FRMD3: variants seen among roughly 807,000 people sequenced by gnomAD.
The protein encoded by FRMD3 is FERM domain-containing protein 3.
FRMD3 carries 33 observed loss-of-function variants against 70.2 expected under a neutral mutation model. The observed-to-expected ratio is 0.47, with a 90% CI of 0.36 to 0.63. FRMD3 has a LOEUF of 0.63. Ranked by LOEUF, FRMD3 falls within the 20% of genes least tolerant of loss-of-function variation. The pLI, the probability that FRMD3 is intolerant of heterozygous loss-of-function variation, is 0.00. For synonymous variants in FRMD3, 279 were observed against 255.9 expected (o/e 1.09, Z -0.86); for missense variants, 632 against 711.4 (o/e 0.89, Z 1.27).
At chr9:83,486,075 C>T (rs2131487479) in intron 1 of FRMD3, among the ~76,000 whole-genome samples, 2 of 151,876 alleles carry the variant, frequency 1.3e-5, no homozygotes, top group East Asian at 3.9e-4. Context: ...TATTAATGAA[C>T]AATCCTGCAG....
intron 1 of FRMD3, among the ~76,000 whole-genome samples, chr9:83,505,093 G>A (rs905937346): frequency 2.0e-5 from 3 of 152,142 alleles, no homozygotes; most frequent in Non-Finnish European, 4.4e-5. Context: ...CCTGTCATGA[G>A]ATTTTCTTCC....
intron 1 of FRMD3, among the ~76,000 whole-genome samples, chr9:83,476,969 A>G: frequency 6.6e-6 from 1 of 152,142 alleles, no homozygotes; most frequent in East Asian, 1.9e-4. Context: ...TGTGTCCATA[A>G]CCACATCCCC....
At chr9:83,265,751 A>G (rs1219729001) in intron 13 of FRMD3, among the ~76,000 whole-genome samples, 2 of 152,208 alleles carry the variant, frequency 1.3e-5, no homozygotes, top group Non-Finnish European at 2.9e-5. Flanking sequence ...AGGGTGAGTG[A>G]TTATGTGGGG....
In FRMD3 at chr9:83,245,193, A is replaced by C. The variant is rs1421409434; in HGVS notation, c.*2725T>G. The C allele has an allele frequency of 1.0e-6, 1 of 984,116 alleles. No individual in the cohort carries two copies. The highest frequency in any genetic ancestry group is 1.2e-6 in the Non-Finnish European group (1 of 828,820). The allele number at this position is 984,116 out of a possible 1,614,324, so 61.0% of individuals were successfully genotyped here. A position where few individuals can be genotyped will look rare whatever the true frequency, so the allele number is the denominator to read the frequency against. On this transcript the variant is annotated 3_prime_UTR_variant, in exon 14 of 14. Coordinates refer to ENST00000304195, the MANE Select transcript of FRMD3 (RefSeq NM_174938.6). ...TATTCAAAGACACACATATATACAG[A>C]TTCATATATAAACACACATATACCA...
chr9:83,565,800 T>C, the FRMD3 span, among the ~76,000 whole-genome samples: 3 of 152,232 alleles, frequency 2.0e-5, no homozygotes, highest in Non-Finnish European at 4.4e-5. Context: ...ATTACGGGAA[T>C]TTTAGGCAAT....
rs897070718 is a variant in FRMD3, at chr9:83,420,937, C to CTT, written c.148-31231_148-31230dup. ...CCATGAGCCATCTTTTTTCTTTCTTCTTTTTTTTTTTTTTTTTTTTTGAGA... is the reference window on the plus strand; with the variant it reads ...CCATGAGCCATCTTTTTTCTTTCTTCTTTTTTTTTTTTTTTTTTTTTTTGAGA... On this transcript the variant is annotated intron_variant, in intron 1 of 13. Coordinates refer to ENST00000304195, the MANE Select transcript of FRMD3 (RefSeq NM_174938.6). Among the ~76,000 whole-genome samples, 1,066 of 107,692 alleles carry CTT rather than the reference C, an allele frequency of 9.9e-3. 23 individuals carry two copies. The highest frequency in any genetic ancestry group is 0.022 in the African/African-American group (595 of 26,608). The allele number at this position is 107,692 out of a possible 152,430, so 70.7% of individuals were successfully genotyped here.
chr9:83,254,608 G>T (rs1303370172), intron 13 of FRMD3, among the ~76,000 whole-genome samples: 1 of 151,316 alleles, frequency 6.6e-6, no homozygotes, highest in African/African-American at 2.4e-5. Flanking sequence ...CTGAATTTTA[G>T]AAAAAAATAA....
intron 1 of FRMD3, among the ~76,000 whole-genome samples, chr9:83,522,814 C>T (rs1829605122): frequency 6.6e-6 from 1 of 152,078 alleles, no homozygotes; most frequent in South Asian, 2.1e-4. Flanking sequence ...CTGCCCGCCT[C>T]GGCCTCCCAA....
chr9:83,385,643 C>T (rs979178618), intron 2 of FRMD3, among the ~76,000 whole-genome samples: 1 of 152,144 alleles, frequency 6.6e-6, no homozygotes, highest in Admixed American at 6.5e-5. Flanking sequence ...ACTTTCACTT[C>T]AGCTTCTCTA....
the FRMD3 span, among the ~76,000 whole-genome samples, chr9:83,550,663 C>T: frequency 8.0e-5 from 12 of 149,814 alleles, no homozygotes; most frequent in African/African-American, 2.7e-4. Context: ...TCTTTCACCT[C>T]CCTAGTTAGC....
intron 13 of FRMD3, among the ~76,000 whole-genome samples, chr9:83,282,201 G>A (rs1191863915): frequency 2.6e-5 from 4 of 152,212 alleles, no homozygotes; most frequent in African/African-American, 4.8e-5. Context: ...AGAATCCTGA[G>A]GGTATGTGCT....
At chr9:83,445,567 T>C (rs1339658816) in intron 1 of FRMD3, among the ~76,000 whole-genome samples, 1 of 152,176 alleles carries the variant, frequency 6.6e-6, no homozygotes, top group Non-Finnish European at 1.5e-5. Flanking sequence ...TTCTTAGGAG[T>C]AAAGCAAATA....
At chr9:83,539,371 G>A (rs1185756386), upstream of FRMD3, among the ~76,000 whole-genome samples, 1 of 152,216 alleles carries the variant, frequency 6.6e-6, no homozygotes, top group Non-Finnish European at 1.5e-5. Flanking sequence ...CAGCTGTTGA[G>A]TCAGGGGTAT....
intron 3 of FRMD3, among the ~76,000 whole-genome samples, chr9:83,362,193 CT>C (rs2131225785): frequency 6.6e-6 from 1 of 151,742 alleles, no homozygotes; most frequent in African/African-American, 2.4e-5. Context: ...CTCTCTCTCT[CT>C]CTCTCTCTCT....
At chr9:83,298,249 C>A (rs1433313144) in intron 12 of FRMD3, among the ~76,000 whole-genome samples, 1 of 152,156 alleles carries the variant, frequency 6.6e-6, no homozygotes, top group Non-Finnish European at 1.5e-5. Flanking sequence ...ATATTTAATT[C>A]TTAAGAATGA....
intron 5 of FRMD3, among the ~76,000 whole-genome samples, chr9:83,342,781 C>T (rs1298004007): frequency 6.6e-6 from 1 of 152,108 alleles, no homozygotes; most frequent in Non-Finnish European, 1.5e-5. Flanking sequence ...CTTTGTTTAA[C>T]ACCTATCTTC....
At chr9:83,437,035 A>G (rs531976324) in intron 1 of FRMD3, among the ~76,000 whole-genome samples, 1 of 152,214 alleles carries the variant, frequency 6.6e-6, no homozygotes, top group Non-Finnish European at 1.5e-5. Flanking sequence ...TGGTTCCACC[A>G]TGTAAAATCC....
intron 13 of FRMD3, among the ~76,000 whole-genome samples, chr9:83,251,502 TG>T (rs776015079): frequency 6.6e-6 from 1 of 152,192 alleles, no homozygotes; most frequent in Non-Finnish European, 1.5e-5. Context: ...GGCACAGAAC[TG>T]GGCTAAGGCT....
In FRMD3 at chr9:83,247,838, A is replaced by C. The variant is rs992936057; in HGVS notation, c.*80T>G. 5.2e-6 allele frequency: 8 copies of C among 1,550,672 alleles called. No homozygotes were observed. In the African/African-American group the frequency reaches 5.5e-5, roughly 11 times the overall value. On this transcript the variant is annotated 3_prime_UTR_variant, in exon 14 of 14. Coordinates refer to ENST00000304195, the MANE Select transcript of FRMD3 (RefSeq NM_174938.6). ...AGGAACACCTGTTGACAGCCCCGTG[A>C]CCCTTCAGAACCAGGCATTTGCTGA... is the stretch of plus-strand genomic sequence containing the variant.
Sources: allele counts gnomAD v4.1 joint callset (sites outside exome capture counted in the v4.1 genomes callset), GRCh38; gene constraint gnomAD v4.1.1; transcripts MANE v1.5; gene names NCBI Gene and HGNC (gene_info 2026-07-23, HGNC 2026-07-21).